Variants in SAYSD1 observed in about 807,000 individuals in gnomAD.
The protein encoded by SAYSD1 is SAYSVFN motif domain containing 1.
A neutral mutation model predicts 14.5 loss-of-function variants in SAYSD1; 15 were observed. That is an observed-to-expected ratio of 1.03 (90% confidence interval 0.69 to 1.59). The LOEUF (loss-of-function observed/expected upper bound fraction) is 1.59. Ranked by LOEUF, SAYSD1 falls within the 40% of genes most tolerant of loss-of-function variation. The probability of loss-of-function intolerance (pLI) is 0.00; values close to 1 mark genes in which losing one functional copy is unlikely to be tolerated. For synonymous variants in SAYSD1, 105 were observed against 102.6 expected (o/e 1.02, Z -0.14); for missense variants, 247 against 227.3 (o/e 1.09, Z -0.56).
intron 1 of SAYSD1, chr6:39,110,517 T>A (rs1210974618): frequency 6.6e-6 from 1 of 152,518 alleles, no homozygotes; most frequent in African/African-American, 2.4e-5. Context: ...CTTATGGATG[T>A]CTATAGCAAC....
rs961794851 is a variant in SAYSD1 at position 39,104,925 on chromosome 6, A to G, written c.*507T>C. The G allele has an allele frequency of 1.3e-5, 2 of 153,862 alleles. No individual in the cohort carries two copies. The highest frequency in any genetic ancestry group is 4.8e-5 in the African/African-American group (2 of 41,322). 9.5% of individuals were successfully genotyped at this position (153,862 alleles called of 1,614,324 possible). ...TAAAGATATTTTATTTTTCAATACC[A>G]GTAATGACTGAAAATTAAAGAATTA... On this transcript the variant is annotated 3_prime_UTR_variant, in exon 2 of 2. Transcript: ENST00000229903.
Position 39,104,641 on chromosome 6 carries a change from G to C in SAYSD1, c.*791C>G, listed in dbSNP as rs1769458238. The C allele has an allele frequency of 6.6e-6, 1 of 152,046 alleles. No individual in the cohort carries two copies. Among genetic ancestry groups the C allele is most frequent in the Admixed American group, 6.6e-5 (1 of 15,258 alleles). 9.4% of individuals were successfully genotyped at this position (152,046 alleles called of 1,614,324 possible). On this transcript the variant is annotated 3_prime_UTR_variant, in exon 2 of 2. Coordinates refer to ENST00000229903, the MANE Select transcript of SAYSD1 (RefSeq NM_018322.3). Reference sequence around the variant, plus strand: ...GGTCCCTGGTGCCAAAAAGGTTAGGGACTGCTGCTTTAGAATATAAGAAAC... The same window carrying C: ...GGTCCCTGGTGCCAAAAAGGTTAGGCACTGCTGCTTTAGAATATAAGAAAC...
At position 39,115,037 on chromosome 6, in the gene SAYSD1, G is replaced by A; in HGVS notation, c.53C>T (p.Ala18Val). The change falls in exon 1 of 2, where the codon GCG becomes GTG. Residue 18 changes from alanine (A) to valine (V), a missense_variant. Ala to Val is a moderately conservative substitution (Grantham distance 64). Transcript: ENST00000229903. ...FRAARKRAGL[A>V]AQPPAASQGA... Reference sequence around the variant, plus strand: ...CTGACTGGCAGCAGGGGGTTGGGCCGCCAGACCCGCCCGTTTCCGCGCCGC... The same window carrying A: ...CTGACTGGCAGCAGGGGGTTGGGCCACCAGACCCGCCCGTTTCCGCGCCGC... 1.2e-6 allele frequency: 2 copies of A among 1,612,082 alleles called. No individual in the cohort carries two copies. Among genetic ancestry groups the A allele is most frequent in the South Asian group, 1.1e-5 (1 of 91,056 alleles).
chr6:39,109,377 C>T, intron 1 of SAYSD1: 1 of 1,550,720 alleles, frequency 6.4e-7, no homozygotes, highest in Non-Finnish European at 8.7e-7. Flanking sequence ...CTGCTTTTCT[C>T]CAAGCAAAAT....
intron 1 of SAYSD1, among the ~76,000 whole-genome samples, chr6:39,110,035 C>T (rs570197315): frequency 1.8e-4 from 27 of 152,252 alleles, no homozygotes; most frequent in East Asian, 9.7e-4. Flanking sequence ...CCACTTCTGT[C>T]GTGGAAGGGT....
chr6:39,104,349 A>G lies in SAYSD1; in HGVS notation c.*1083T>C, dbSNP rs764407214. 6.6e-6 allele frequency: 1 copy of G among 152,036 alleles called. No individual in the cohort carries two copies. The highest frequency in any genetic ancestry group is 1.5e-5 in the Non-Finnish European group (1 of 68,020). 9.4% of individuals were successfully genotyped at this position (152,036 alleles called of 1,614,324 possible). ...GCCCTAACCCAATGGGAGTTTGCCT[A>G]ATTTTAATGAACCCAAACTCTAACA... On this transcript the variant is annotated 3_prime_UTR_variant, in exon 2 of 2. Coordinates refer to ENST00000229903, the MANE Select transcript of SAYSD1 (RefSeq NM_018322.3).
In SAYSD1 at chr6:39,108,453, G is replaced by C. The variant is rs1190598513; in HGVS notation, c.208-2677C>G. 3.9e-5 allele frequency among the ~76,000 whole-genome samples: 6 copies of C among 152,042 alleles called. No homozygotes were observed. The East Asian group carries it at 5.8e-4, about 15-fold the overall frequency. On this transcript the variant is annotated intron_variant, in intron 1 of 1. Transcript: ENST00000229903. ...GTGGGGGGGTAAACAAACTGACGAA[G>C]GGAACAAACAAGAGGAGAGATACGG...
At chr6:39,109,586 T>C in intron 1 of SAYSD1, 1 of 1,399,320 alleles carries the variant, frequency 7.1e-7, no homozygotes. Flanking sequence ...GAGTATTCTT[T>C]GTGCATATAC....
At chr6:39,110,974 T>C (rs1194378441) in intron 1 of SAYSD1, 1 of 152,070 alleles carries the variant, frequency 6.6e-6, no homozygotes, top group East Asian at 1.9e-4. Flanking sequence ...GAATGCAAGT[T>C]TGAAAACAGG....
In SAYSD1 at chr6:39,115,158, G is replaced by T; in HGVS notation, c.-69C>A. On this transcript the variant is annotated 5_prime_UTR_variant, in exon 1 of 2. Coordinates refer to ENST00000229903, the MANE Select transcript of SAYSD1 (RefSeq NM_018322.3). ...CGCAGGCCGCACAGCAGTTGCCTCC[G>T]CTCGGCCCGCGCCGGCCGCCGTGCG... The T allele has an allele frequency of 7.0e-7, 1 of 1,419,832 alleles. No individual in the cohort carries two copies. Among genetic ancestry groups the T allele is most frequent in the Non-Finnish European group, 9.3e-7 (1 of 1,074,352 alleles). 88.0% of individuals were successfully genotyped at this position (1,419,832 alleles called of 1,614,324 possible).
At chr6:39,111,543 C>G (rs1769626571) in intron 1 of SAYSD1, 2 of 152,056 alleles carry the variant, frequency 1.3e-5, no homozygotes, top group Non-Finnish European at 2.9e-5. Context: ...AAGAAAATGT[C>G]AAATGAAAAG....
At chr6:39,113,527 C>G (rs1309098224) in intron 1 of SAYSD1, 1 of 152,548 alleles carries the variant, frequency 6.6e-6, no homozygotes, top group Non-Finnish European at 1.5e-5. Flanking sequence ...TATGGAAAAA[C>G]AGAGCAATTA....
At chr6:39,109,343 T>C (rs1371361052) in intron 1 of SAYSD1, 2 of 1,550,942 alleles carry the variant, frequency 1.3e-6, no homozygotes, top group Admixed American at 2.0e-5. Context: ...TGGAAGAAGC[T>C]CGTCACAGAA....
intron 1 of SAYSD1, 60 bp downstream of exon 1, chr6:39,114,823 C>T: frequency 1.3e-6 from 2 of 1,550,592 alleles, no homozygotes. Context: ...GCAGCTAGGG[C>T]CGCGCCCTCG....
In SAYSD1 at chr6:39,114,127, T is replaced by C. The variant is rs1307266118; in HGVS notation, c.207+756A>G. On this transcript the variant is annotated intron_variant, in intron 1 of 1. Transcript: ENST00000229903. ...CTGGGCACAAATTGTTACAAAGCAC[T>C]CATCCCTTGATATGTTTTGTCTTGT... 2.0e-5 allele frequency among the ~76,000 whole-genome samples: 3 copies of C among 152,382 alleles called. No homozygotes were observed. In the South Asian group the frequency reaches 6.2e-4, roughly 32 times the overall value.
intron 1 of SAYSD1, among the ~76,000 whole-genome samples, chr6:39,114,257 A>T (rs1769685981): frequency 6.6e-6 from 1 of 152,242 alleles, no homozygotes; most frequent in Non-Finnish European, 1.5e-5. Context: ...CATCTGCAAA[A>T]CAAGAGATTA....
chr6:39,109,299 A>C, intron 1 of SAYSD1: 1 of 1,550,300 alleles, frequency 6.5e-7, no homozygotes, highest in Non-Finnish European at 8.7e-7. Context: ...TTCTGTAGGA[A>C]TTTTTAAAAG....
intron 1 of SAYSD1, among the ~76,000 whole-genome samples, chr6:39,108,429 TG>T (rs567111384): frequency 1.5e-4 from 10 of 68,278 alleles, no homozygotes; most frequent in African/African-American, 4.9e-4. Flanking sequence ...GGTGTGGGGG[TG>T]GGGGGGTAAA....
chr6:39,106,396 ACACGACTGTAATCC>A (rs1335108148), intron 1 of SAYSD1, among the ~76,000 whole-genome samples: 1 of 152,092 alleles, frequency 6.6e-6, no homozygotes, highest in Non-Finnish European at 1.5e-5. Flanking sequence ...GCATGGTGGC[ACACGACTGTAATCC>A]CAGCTACTCA....
Sources: allele counts gnomAD v4.1 joint callset (sites outside exome capture counted in the v4.1 genomes callset), GRCh38; gene constraint gnomAD v4.1.1; transcripts MANE v1.5; gene names NCBI Gene and HGNC (gene_info 2026-07-23, HGNC 2026-07-21).